KLF8: variants seen among roughly 807,000 people sequenced by gnomAD.
KLF8 encodes KLF transcription factor 8, also known as Krueppel-like factor 8.
KLF8 carries 10 observed loss-of-function variants against 18.2 expected under a neutral mutation model. That is an observed-to-expected ratio of 0.55 (90% CI 0.34 to 0.93). KLF8 has a LOEUF of 0.93. Ranked by LOEUF, KLF8 falls within the 40% of genes least tolerant of loss-of-function variation. The probability of loss-of-function intolerance (pLI) is 0.02; values close to 1 mark genes in which losing one functional copy is unlikely to be tolerated. For missense variants in KLF8, 264 were observed against 277.9 expected, an observed-to-expected ratio of 0.95 and a Z score of 0.36; for synonymous variants, 109 against 97.3, an observed-to-expected ratio of 1.12 and a Z score of -0.71.
At chrX:55,950,904 G>A in the KLF8 span, among the ~76,000 whole-genome samples, 2 of 111,665 alleles carry the variant, frequency 1.8e-5, no homozygotes, top group Non-Finnish European at 3.8e-5. Flanking sequence ...GAATTAAATT[G>A]CACTAGTTTA....
At chrX:56,054,944 T>C in the KLF8 span, among the ~76,000 whole-genome samples, 17 of 112,070 alleles carry the variant, frequency 1.5e-4, no homozygotes, top group African/African-American at 5.2e-4. Context: ...TAGATTTTTC[T>C]GCATCCCTTT....
chrX:56,088,613 C>A, the KLF8 span, among the ~76,000 whole-genome samples: 1 of 111,712 alleles, frequency 9.0e-6, no homozygotes, highest in African/African-American at 3.2e-5. Flanking sequence ...CTCTGAGGAC[C>A]AACTGCTCTC....
At chrX:56,170,810 A>G in the KLF8 span, among the ~76,000 whole-genome samples, 2 of 111,754 alleles carry the variant, frequency 1.8e-5, no homozygotes, top group Non-Finnish European at 3.8e-5. Context: ...AGAAAAAGAT[A>G]TCAGTATACA....
At chrX:55,960,748 T>C in the KLF8 span, among the ~76,000 whole-genome samples, 5 of 112,086 alleles carry the variant, frequency 4.5e-5, no homozygotes, top group East Asian at 1.1e-3. Flanking sequence ...CTTAAGTACA[T>C]ATCCCAATGA....
At chrX:56,188,491 G>T in the KLF8 span, among the ~76,000 whole-genome samples, 1 of 111,713 alleles carries the variant, frequency 9.0e-6, no homozygotes, top group African/African-American at 3.3e-5. Context: ...AGCTACCAAT[G>T]ACTTTCTTCA....
In KLF8 at chrX:56,262,096, C is replaced by A. The variant is rs144522060; in HGVS notation, c.82-3084C>A. Among the ~76,000 whole-genome samples the A allele has an allele frequency of 6.2e-3, 698 of 112,014 alleles. 1 individual carries two copies. The highest frequency in any genetic ancestry group is 9.2e-3 in the Admixed American group (97 of 10,582). On this transcript the variant is annotated intron_variant, in intron 2 of 5. Coordinates refer to ENST00000468660, the MANE Select transcript of KLF8 (RefSeq NM_007250.5). ...TAAGATACTAAAACCCAAACAACTC[C>A]CCTTCCAACACTTCTCTCAAAGCCT...
At chrX:56,201,955 A>T in the KLF8 span, among the ~76,000 whole-genome samples, 1 of 111,468 alleles carries the variant, frequency 9.0e-6, no homozygotes, top group Admixed American at 9.6e-5. Context: ...GATCATTGAG[A>T]TCTGTGGATG....
chrX:55,922,604 A>G, the KLF8 span, among the ~76,000 whole-genome samples: 1 of 112,538 alleles, frequency 8.9e-6, no homozygotes, highest in Non-Finnish European at 1.9e-5. Flanking sequence ...CTGCACACAT[A>G]TCCTGGAACT....
chrX:56,106,661 T>C, the KLF8 span, among the ~76,000 whole-genome samples: 1 of 112,008 alleles, frequency 8.9e-6, no homozygotes, highest in Non-Finnish European at 1.9e-5. Flanking sequence ...TTAGAACATG[T>C]TCCTTTAGCT....
At chrX:56,034,442 T>C in the KLF8 span, among the ~76,000 whole-genome samples, 1 of 112,094 alleles carries the variant, frequency 8.9e-6, no homozygotes, top group African/African-American at 3.2e-5. Context: ...TGAAATCAGA[T>C]AGTGCCTCCA....
the KLF8 span, among the ~76,000 whole-genome samples, chrX:56,018,505 A>G: frequency 9.0e-6 from 1 of 111,710 alleles, no homozygotes; most frequent in African/African-American, 3.2e-5. Flanking sequence ...GAATGAAACT[A>G]GTCATAGCAG....
intron 5 of KLF8, among the ~76,000 whole-genome samples, chrX:56,279,904 A>G (rs1185296646): frequency 2.7e-5 from 3 of 111,953 alleles, no homozygotes; most frequent in Non-Finnish European, 3.8e-5. Flanking sequence ...CTAGTATTCC[A>G]CAGGTTCCCT....
At chrX:56,187,543 T>C in the KLF8 span, among the ~76,000 whole-genome samples, 2 of 111,744 alleles carry the variant, frequency 1.8e-5, no homozygotes, top group Non-Finnish European at 3.8e-5. Flanking sequence ...ATCATCCTGA[T>C]ACCAAAGCCG....
At chrX:56,124,742 T>A in the KLF8 span, among the ~76,000 whole-genome samples, 5 of 112,071 alleles carry the variant, frequency 4.5e-5, no homozygotes, top group East Asian at 1.4e-3. Flanking sequence ...GTCTTTTAAG[T>A]CTTGGCTATG....
chrX:56,052,248 T>C, the KLF8 span, among the ~76,000 whole-genome samples: 70 of 112,097 alleles, frequency 6.2e-4, no homozygotes, highest in Middle Eastern at 4.6e-3. Flanking sequence ...TTTGATCGTC[T>C]GAAGCCTTCT....
At chrX:56,219,766 C>T in the KLF8 span, among the ~76,000 whole-genome samples, 179 of 111,855 alleles carry the variant, frequency 1.6e-3, 1 homozygote, top group African/African-American at 5.6e-3. Flanking sequence ...ACAGGAGACT[C>T]GCTTGAACCC....
chrX:55,993,818 T>C, the KLF8 span, among the ~76,000 whole-genome samples: 2 of 111,370 alleles, frequency 1.8e-5, no homozygotes, highest in African/African-American at 6.5e-5. Context: ...GTCTGTTCTC[T>C]GTTTGGAATT....
chrX:56,198,618 T>C, the KLF8 span, among the ~76,000 whole-genome samples: 2 of 112,068 alleles, frequency 1.8e-5, no homozygotes, highest in Non-Finnish European at 3.8e-5. Context: ...GAATATTCCA[T>C]GCTCATGGAT....
At chrX:56,248,438 G>A (rs1316892327) in intron 1 of KLF8, among the ~76,000 whole-genome samples, 1 of 111,742 alleles carries the variant, frequency 8.9e-6, no homozygotes, top group East Asian at 2.8e-4. Context: ...CCCTCTTTTG[G>A]CAGGTGAAGA....
Sources: allele counts gnomAD v4.1 joint callset (sites outside exome capture counted in the v4.1 genomes callset), GRCh38; gene constraint gnomAD v4.1.1; transcripts MANE v1.5; gene names NCBI Gene and HGNC (gene_info 2026-07-23, HGNC 2026-07-21).